Variants in AGBL4 observed in about 807,000 individuals in gnomAD.
AGBL4 encodes AGBL carboxypeptidase 4.
Under a neutral mutation model 66.4 loss-of-function variants are expected in AGBL4, and 58 were observed. The observed-to-expected ratio is 0.87, with a 90% CI of 0.71 to 1.09. The LOEUF (loss-of-function observed/expected upper bound fraction) is 1.09, where lower values mean the gene tolerates loss of function less well. Ranked by LOEUF, AGBL4 falls within the 50% of genes least tolerant of loss-of-function variation. The pLI is 0.00. For missense variants in AGBL4, 579 were observed against 631.0 expected (o/e 0.92, Z 0.88); for synonymous variants, 234 against 222.9 (o/e 1.05, Z -0.44).
chr1:48,635,905 G>A (rs953800511), intron 8 of AGBL4, among the ~76,000 whole-genome samples: 4 of 152,184 alleles, frequency 2.6e-5, no homozygotes, highest in East Asian at 1.9e-4. Context: ...TTCTTCATTT[G>A]CCATTACAAC....
intron 3 of AGBL4, among the ~76,000 whole-genome samples, chr1:49,569,197 A>T (rs1644277335): frequency 6.6e-6 from 1 of 152,136 alleles, no homozygotes; most frequent in Non-Finnish European, 1.5e-5. Flanking sequence ...ACTCATGGAG[A>T]TAGAGAGTAG....
chr1:48,942,885 T>C (rs1656126639), intron 5 of AGBL4, among the ~76,000 whole-genome samples: 3 of 152,200 alleles, frequency 2.0e-5, no homozygotes, highest in Admixed American at 1.3e-4. Context: ...GAAGGTTACA[T>C]ATACAAGGCA....
chr1:49,816,648 A>G (rs1645239373), intron 2 of AGBL4, among the ~76,000 whole-genome samples: 1 of 152,180 alleles, frequency 6.6e-6, no homozygotes, highest in South Asian at 2.1e-4. Context: ...TTGGCACAGA[A>G]AAGAAGGTAT....
chr1:48,685,081 C>T (rs76914196), intron 6 of AGBL4, among the ~76,000 whole-genome samples: 2,639 of 151,778 alleles, frequency 0.017, 73 homozygotes, highest in African/African-American at 0.061. Context: ...ATGGTGCACA[C>T]GGCCTGTCTG....
chr1:49,561,775 C>T (rs1644052965), intron 3 of AGBL4, among the ~76,000 whole-genome samples: 1 of 152,086 alleles, frequency 6.6e-6, no homozygotes, highest in African/African-American at 2.4e-5. Context: ...CATACGTGTG[C>T]ATGTGTCTTT....
At chr1:49,261,805 A>G (rs1169797887) in intron 3 of AGBL4, among the ~76,000 whole-genome samples, 1 of 147,806 alleles carries the variant, frequency 6.8e-6, no homozygotes, top group African/African-American at 2.5e-5. Context: ...ATTGGAAAAA[A>G]CTACTTTAAA....
At chr1:49,556,311 T>C (rs2148846621) in intron 3 of AGBL4, among the ~76,000 whole-genome samples, 1 of 152,008 alleles carries the variant, frequency 6.6e-6, no homozygotes, top group East Asian at 1.9e-4. Flanking sequence ...TTCTCACTCA[T>C]AGGTGGGAAT....
intron 2 of AGBL4, among the ~76,000 whole-genome samples, chr1:49,814,207 T>C (rs760923182): frequency 1.2e-4 from 18 of 152,124 alleles, no homozygotes; most frequent in Non-Finnish European, 1.6e-4. Flanking sequence ...CCTGATAAGA[T>C]GACATTTCAG....
intron 5 of AGBL4, among the ~76,000 whole-genome samples, chr1:48,980,771 A>G (rs1422540689): frequency 5.7e-4 from 46 of 80,980 alleles, no homozygotes; most frequent in African/African-American, 2.0e-3. Context: ...ATATATATAT[A>G]TATATATATA....
chr1:49,701,388 G>A (rs1167898973), intron 2 of AGBL4, among the ~76,000 whole-genome samples: 1 of 152,000 alleles, frequency 6.6e-6, no homozygotes, highest in Non-Finnish European at 1.5e-5. Context: ...AATATATAAA[G>A]AAAGCAGAAG....
intron 4 of AGBL4, among the ~76,000 whole-genome samples, chr1:49,235,218 C>T (rs535782601): frequency 1.8e-4 from 27 of 152,300 alleles, no homozygotes; most frequent in Non-Finnish European, 2.6e-4. Context: ...AACAGCACCA[C>T]GCCCCACAAA....
At position 49,449,050 on chromosome 1, in the gene AGBL4, TAA is replaced by T. The variant is rs1251287163; in HGVS notation, c.283-203188_283-203187del. ...CTGAATAAATGTAAAATGAATTTATTAAGTCTCTTCAAAGGTGAATTACTAAA... is the reference window on the plus strand; with the variant it reads ...CTGAATAAATGTAAAATGAATTTATTGTCTCTTCAAAGGTGAATTACTAAA... On this transcript the variant is annotated intron_variant, in intron 3 of 13. Transcript: ENST00000371839. Among the ~76,000 whole-genome samples, 14 of 152,156 alleles carry T rather than the reference TAA, an allele frequency of 9.2e-5. No homozygotes were observed. The East Asian group carries it at 2.5e-3, about 27-fold the overall frequency.
chr1:49,505,833 GTC>G (rs1648628840), intron 3 of AGBL4, among the ~76,000 whole-genome samples: 3 of 151,668 alleles, frequency 2.0e-5, no homozygotes, highest in Admixed American at 1.3e-4. Flanking sequence ...CTATCCTTTA[GTC>G]TCTCTCTTCT....
intron 1 of AGBL4, among the ~76,000 whole-genome samples, chr1:49,955,819 G>C (rs1163476249): frequency 6.6e-6 from 1 of 151,728 alleles, no homozygotes; most frequent in Non-Finnish European, 1.5e-5. Context: ...AAAGTACAAT[G>C]CAATCACTCT....
In AGBL4 at chr1:48,542,450, T is replaced by G. The variant is rs1239852359; in HGVS notation, c.1268-2712A>C. Among the ~76,000 whole-genome samples, 11 of 152,308 alleles carry G rather than the reference T, an allele frequency of 7.2e-5. No individual in the cohort carries two copies. In the East Asian group the frequency reaches 2.1e-3, roughly 29 times the overall value. ...CCACAATGGTTGAAATAATTTACAC[T>G]CCCACCAACAGTATAAAAGCGTTCC... On this transcript the variant is annotated intron_variant, in intron 11 of 13. Transcript: ENST00000371839.
At chr1:49,515,108 G>A (rs965988070) in intron 3 of AGBL4, among the ~76,000 whole-genome samples, 21 of 151,952 alleles carry the variant, frequency 1.4e-4, no homozygotes, top group African/African-American at 4.8e-4. Context: ...GCAACCTACA[G>A]AATGGGAGAA....
intron 4 of AGBL4, among the ~76,000 whole-genome samples, chr1:49,128,356 T>C (rs917681557): frequency 1.4e-4 from 22 of 152,172 alleles, no homozygotes; most frequent in South Asian, 1.0e-3. Flanking sequence ...AATTGATAAA[T>C]TTACTCTGTA....
intron 3 of AGBL4, among the ~76,000 whole-genome samples, chr1:49,630,594 C>G (rs547251699): frequency 6.6e-6 from 1 of 152,184 alleles, no homozygotes; most frequent in Non-Finnish European, 1.5e-5. Flanking sequence ...TAAATTAATT[C>G]TTGCATATCC....
chr1:49,502,993 A>G (rs1648314129), intron 3 of AGBL4, among the ~76,000 whole-genome samples: 1 of 152,150 alleles, frequency 6.6e-6, no homozygotes, highest in Non-Finnish European at 1.5e-5. Flanking sequence ...GACAATGGGA[A>G]AAATGCTTCC....
Sources: gnomAD v4.1 joint callset for allele counts (sites outside exome capture counted in the v4.1 genomes callset) on GRCh38, gnomAD v4.1.1 for gene constraint, MANE v1.5 for transcripts, NCBI Gene and HGNC (gene_info 2026-07-23, HGNC 2026-07-21) for gene names.